Variants in MEGF11 observed in about 807,000 individuals in gnomAD.
The protein encoded by MEGF11 is multiple EGF like domains 11.
In MEGF11, 126 loss-of-function variants were observed where a neutral mutation model predicts 146.6. The observed-to-expected ratio is 0.86, with a 90% confidence interval of 0.74 to 1.00. The LOEUF (loss-of-function observed/expected upper bound fraction) is 1.00, where lower values mean the gene tolerates loss of function less well. Among genes scored for constraint, MEGF11 ranks in the 50% least tolerant of loss-of-function variants. The probability of loss-of-function intolerance (pLI) is 0.00; values close to 1 mark genes in which losing one functional copy is unlikely to be tolerated. For synonymous variants in MEGF11, 532 were observed against 583.4 expected (o/e 0.91, Z 1.27); for missense variants, 1,509 against 1,521.2 (o/e 0.99, Z 0.13).
At chr15:65,960,437 C>T (rs558304338) in intron 9 of MEGF11, among the ~76,000 whole-genome samples, 6 of 152,228 alleles carry the variant, frequency 3.9e-5, no homozygotes, top group African/African-American at 1.4e-4. Flanking sequence ...GCGTGGGTAT[C>T]GTGGGGAAGG....
chr15:65,940,440 A>G (rs891853637), intron 10 of MEGF11, among the ~76,000 whole-genome samples: 5 of 152,188 alleles, frequency 3.3e-5, no homozygotes, highest in Non-Finnish European at 7.4e-5. Context: ...GGGACTCCCA[A>G]GTGGGGAGCC....
intron 5 of MEGF11, among the ~76,000 whole-genome samples, chr15:66,054,342 C>G (rs2084590654): frequency 6.6e-6 from 1 of 152,220 alleles, no homozygotes; most frequent in South Asian, 2.1e-4. Context: ...GGGCCTCTCA[C>G]AGCCTGATCC....
intron 5 of MEGF11, among the ~76,000 whole-genome samples, chr15:66,068,197 G>A (rs1000664903): frequency 3.9e-5 from 6 of 152,184 alleles, no homozygotes; most frequent in African/African-American, 1.4e-4. Context: ...CAGGGATCCT[G>A]TCCTGTGCAC....
chr15:66,057,582 G>T (rs1218793036), intron 5 of MEGF11, among the ~76,000 whole-genome samples: 2 of 151,844 alleles, frequency 1.3e-5, no homozygotes, highest in Non-Finnish European at 2.9e-5. Flanking sequence ...TTTCTATTAC[G>T]TCAAGGACAT....
chr15:66,244,890 G>T (rs757495001), intron 1 of MEGF11, among the ~76,000 whole-genome samples: 3 of 152,166 alleles, frequency 2.0e-5, no homozygotes, highest in South Asian at 2.1e-4. Context: ...TATAAAGACA[G>T]ATACACCCAC....
chr15:66,089,752 T>C (rs74021605), intron 5 of MEGF11, among the ~76,000 whole-genome samples: 21 of 152,348 alleles, frequency 1.4e-4, no homozygotes, highest in African/African-American at 5.1e-4. Context: ...AAGTTATGAA[T>C]AATGTTTCTA....
chr15:66,067,327 C>A (rs569139632), intron 5 of MEGF11, among the ~76,000 whole-genome samples: 2 of 152,302 alleles, frequency 1.3e-5, no homozygotes, highest in Admixed American at 6.5e-5. Flanking sequence ...ATGCCTAGTA[C>A]CTCAGTAAAA....
At chr15:65,948,826 AGTGTGTGT>A (rs56678880) in intron 10 of MEGF11, among the ~76,000 whole-genome samples, 2 of 151,050 alleles carry the variant, frequency 1.3e-5, no homozygotes, top group East Asian at 1.9e-4. Context: ...TGGGTACTGG[AGTGTGTGT>A]GTGTGTGTGT....
intron 5 of MEGF11, among the ~76,000 whole-genome samples, chr15:66,044,746 G>T (rs1198309538): frequency 1.3e-5 from 2 of 149,794 alleles, no homozygotes; most frequent in Non-Finnish European, 3.0e-5. Flanking sequence ...CCAGTTACCT[G>T]AGAGGCTGAG....
Position 65,913,827 on chromosome 15 carries a change from G to A in MEGF11, c.2620C>T (p.Arg874Trp), listed in dbSNP as rs747004559. ...TCTCGGCCCTTCTCTTTCTGCCGCC[G>A]CCGATGCCAGGCAAATAGGCCCAGC... ...VLLGLFAWHR[R>W]RQKEKGRDLA... The change falls in exon 20 of 26, where the codon CGG becomes TGG. Residue 874 changes from arginine (R) to tryptophan (W), a missense_variant. Physicochemically the swap from Arg to Trp is moderately radical, Grantham distance 101 (BLOSUM62 -3). Transcript: ENST00000395614. 4.5e-5 allele frequency: 73 copies of A among 1,613,858 alleles called. 1 individual carries two copies. The Middle Eastern group carries it at 4.9e-4, about 11-fold the overall frequency.
intron 1 of MEGF11, among the ~76,000 whole-genome samples, chr15:66,233,397 G>A (rs1382291391): frequency 6.6e-6 from 1 of 151,986 alleles, no homozygotes; most frequent in Non-Finnish European, 1.5e-5. Context: ...CACCACACCA[G>A]GCTAATTTTT....
chr15:66,019,830 T>G lies in MEGF11; in HGVS notation c.395-37342A>C, dbSNP rs146351641. Among the ~76,000 whole-genome samples, 1,496 of 152,300 alleles carry G rather than the reference T, an allele frequency of 9.8e-3. 29 individuals are homozygous for G. Among genetic ancestry groups the G allele is most frequent in the African/African-American group, 0.034 (1,422 of 41,558 alleles). ...ACTTATGCCATCCTTCCCACGGACT[T>G]AGAGCCAGGGTGTGGGTTACCTAGG... On this transcript the variant is annotated intron_variant, in intron 5 of 25. Transcript: ENST00000395614.
chr15:66,118,307 C>G (rs1209837405), intron 4 of MEGF11, among the ~76,000 whole-genome samples: 1 of 152,116 alleles, frequency 6.6e-6, no homozygotes, highest in African/African-American at 2.4e-5. Context: ...GATTAAGTGT[C>G]TTGCCGAAAG....
At chr15:66,130,185 A>G (rs368146898) in intron 1 of MEGF11, among the ~76,000 whole-genome samples, 213 of 152,344 alleles carry the variant, frequency 1.4e-3, no homozygotes, top group African/African-American at 4.8e-3. Flanking sequence ...GAGCAGAGAA[A>G]GAGCCTGCCC....
At chr15:66,249,315 C>T (rs771523028) in intron 1 of MEGF11, among the ~76,000 whole-genome samples, 8 of 152,092 alleles carry the variant, frequency 5.3e-5, no homozygotes, top group Non-Finnish European at 7.4e-5. Context: ...AGCAATCTCT[C>T]TTTCAGTCTT....
chr15:66,169,768 G>C (rs938867456), intron 1 of MEGF11, among the ~76,000 whole-genome samples: 1 of 152,190 alleles, frequency 6.6e-6, no homozygotes, highest in Non-Finnish European at 1.5e-5. Context: ...CCGGGTGGTT[G>C]GGTGAGACGG....
At chr15:66,042,254 C>T (rs191377484) in intron 5 of MEGF11, among the ~76,000 whole-genome samples, 27 of 152,106 alleles carry the variant, frequency 1.8e-4, no homozygotes, top group Non-Finnish European at 2.9e-4. Flanking sequence ...GGATTATTGA[C>T]GCGCACCACC....
At chr15:66,229,595 T>C (rs1334191483) in intron 1 of MEGF11, among the ~76,000 whole-genome samples, 4 of 152,234 alleles carry the variant, frequency 2.6e-5, no homozygotes, top group Admixed American at 6.5e-5. Flanking sequence ...TTCCATCTCC[T>C]ACATAGACAA....
intron 3 of MEGF11, among the ~76,000 whole-genome samples, chr15:66,123,230 G>A (rs2088140929): frequency 6.6e-6 from 1 of 152,214 alleles, no homozygotes; most frequent in Non-Finnish European, 1.5e-5. Flanking sequence ...CTGCAGACAA[G>A]GGTACAAGAC....
Sources: allele counts gnomAD v4.1 joint callset (sites outside exome capture counted in the v4.1 genomes callset), GRCh38; gene constraint gnomAD v4.1.1; transcripts MANE v1.5; gene names NCBI Gene and HGNC (gene_info 2026-07-23, HGNC 2026-07-21).